CTTNBP2: variants seen among roughly 807,000 people sequenced by gnomAD.
CTTNBP2 encodes cortactin binding protein 2.
In CTTNBP2, 108 loss-of-function variants were observed where a neutral mutation model predicts 156.9. The ratio of observed to expected loss-of-function variants is 0.69; its 90% CI spans 0.59 to 0.81. The LOEUF (loss-of-function observed/expected upper bound fraction) is 0.81. Ranked by LOEUF, CTTNBP2 falls within the 30% of genes least tolerant of loss-of-function variation. The pLI, the probability that CTTNBP2 is intolerant of heterozygous loss-of-function variation, is 0.00. For synonymous variants in CTTNBP2, 767 were observed against 751.8 expected (o/e 1.02, Z -0.33); for missense variants, 1,924 against 2,035.4 (o/e 0.95, Z 1.05).
chr7:117,816,091 A>G (rs905617161), intron 2 of CTTNBP2, among the ~76,000 whole-genome samples: 1 of 152,198 alleles, frequency 6.6e-6, no homozygotes, highest in African/African-American at 2.4e-5. Flanking sequence ...CAGGGGGGCA[A>G]TCTTCCCAGG....
chr7:117,825,381 C>T (rs1801218737), intron 2 of CTTNBP2, among the ~76,000 whole-genome samples: 1 of 152,198 alleles, frequency 6.6e-6, no homozygotes, highest in African/African-American at 2.4e-5. Flanking sequence ...ACGTCTCCTT[C>T]ACAGTCACAG....
chr7:117,788,015 C>G (rs1033846338), intron 4 of CTTNBP2, among the ~76,000 whole-genome samples: 1 of 152,156 alleles, frequency 6.6e-6, no homozygotes, highest in Non-Finnish European at 1.5e-5. Flanking sequence ...CACCGTGTCA[C>G]CCAGGCTGGT....
chr7:117,810,665 C>G (rs569657041), intron 3 of CTTNBP2, 100 bp downstream of exon 3: 5 of 916,874 alleles, frequency 5.5e-6, no homozygotes. Context: ...TATTGCAATC[C>G]TGTCTGAAAA....
At chr7:117,726,569 T>C (rs1284009978) in intron 17 of CTTNBP2, among the ~76,000 whole-genome samples, 1 of 152,214 alleles carries the variant, frequency 6.6e-6, no homozygotes, top group Non-Finnish European at 1.5e-5. Flanking sequence ...TCAGGTTTTG[T>C]TCTAAACTAT....
chr7:117,719,564 T>G lies in CTTNBP2; in HGVS notation c.4584A>C (p.Ala1528=). 4 of 1,613,954 alleles carry G rather than the reference T, an allele frequency of 2.5e-6. No homozygotes were observed. Among genetic ancestry groups the G allele is most frequent in the Non-Finnish European group, 3.4e-6 (4 of 1,179,838 alleles). ...QRLSLGSDDE[A]DLVKELQSMC... ...TGCTCTGAAGTTCCTTGACAAGATC[T>G]GCTTCGTCATCTGAACCCAGAGAGA... Residue 1528 remains alanine, a synonymous_variant, in exon 21 of 23, where the codon GCA becomes GCC. Transcript: ENST00000160373.
intron 8 of CTTNBP2, among the ~76,000 whole-genome samples, chr7:117,774,076 C>T (rs969183335): frequency 6.6e-6 from 1 of 152,074 alleles, no homozygotes. Flanking sequence ...CAGGAAGTTT[C>T]GTTAAGAAAC....
intron 22 of CTTNBP2, chr7:117,716,058 C>T (rs919997493): frequency 6.6e-6 from 1 of 150,444 alleles, no homozygotes; most frequent in Non-Finnish European, 1.5e-5. Flanking sequence ...TAAGTGTCTT[C>T]AGTGGGCAAA....
At chr7:117,836,380 C>G (rs55924734) in intron 2 of CTTNBP2, among the ~76,000 whole-genome samples, 4,157 of 152,150 alleles carry the variant, frequency 0.027, 80 homozygotes, top group Non-Finnish European at 0.043. Context: ...CTGGCTAACA[C>G]GACGAAACCC....
chr7:117,869,446 G>C (rs1334651394), intron 1 of CTTNBP2, among the ~76,000 whole-genome samples: 1 of 152,132 alleles, frequency 6.6e-6, no homozygotes, highest in Non-Finnish European at 1.5e-5. Context: ...GCCTGGCATT[G>C]TGCTAACCAC....
chr7:117,752,379 C>G (rs1250919928), intron 12 of CTTNBP2, among the ~76,000 whole-genome samples: 1 of 152,102 alleles, frequency 6.6e-6, no homozygotes, highest in Non-Finnish European at 1.5e-5. Context: ...AATAACCTAA[C>G]AAAAATTGCA....
chr7:117,774,913 T>G (rs568032992), intron 8 of CTTNBP2, among the ~76,000 whole-genome samples: 9 of 152,332 alleles, frequency 5.9e-5, no homozygotes, highest in Non-Finnish European at 1.0e-4. Context: ...AGCCGTATTT[T>G]TTTCAGAAAT....
intron 2 of CTTNBP2, among the ~76,000 whole-genome samples, chr7:117,820,049 G>C (rs779335584): frequency 6.6e-6 from 1 of 152,180 alleles, no homozygotes; most frequent in Non-Finnish European, 1.5e-5. Context: ...TTTTGACCTT[G>C]TATGCCACTT....
intron 16 of CTTNBP2, among the ~76,000 whole-genome samples, chr7:117,730,931 A>G (rs1233980159): frequency 6.6e-6 from 1 of 152,228 alleles, no homozygotes; most frequent in Non-Finnish European, 1.5e-5. Context: ...GTATTTTTAA[A>G]TACTTGAAAT....
rs749037512 is a variant in CTTNBP2 at position 117,791,252 on chromosome 7, T to C, written c.1944A>G (p.Gln648=). 1.9e-5 allele frequency: 30 copies of C among 1,614,074 alleles called. No homozygotes were observed. The highest frequency in any genetic ancestry group is 4.5e-5 in the East Asian group (2 of 44,868). The change falls in exon 4 of 23, where the codon CAA becomes CAG. Residue 648 remains glutamine (Q), a synonymous_variant. Transcript: ENST00000160373. ...CAAGGGAACTGTCTGAACATGCAGG[T>C]TGGTTCAGTCCGGGGGTTGCAGCAG... ...AWPAATPGLN[Q]PACSDSSLVI... is the part of the protein sequence containing the mutation.
intron 17 of CTTNBP2, among the ~76,000 whole-genome samples, chr7:117,726,580 C>CT (rs1376158980): frequency 2.0e-5 from 3 of 152,212 alleles, no homozygotes; most frequent in Non-Finnish European, 4.4e-5. Flanking sequence ...TCTAAACTAT[C>CT]TTTTCAGTCT....
At chr7:117,811,591 T>A (rs1460260525) in intron 2 of CTTNBP2, among the ~76,000 whole-genome samples, 3 of 152,146 alleles carry the variant, frequency 2.0e-5, no homozygotes, top group Non-Finnish European at 2.9e-5. Flanking sequence ...ATGCCCCACC[T>A]AGTCTTTTCT....
intron 22 of CTTNBP2, among the ~76,000 whole-genome samples, chr7:117,714,936 A>C (rs1267330305): frequency 6.6e-6 from 1 of 152,212 alleles, no homozygotes; most frequent in Admixed American, 6.5e-5. Context: ...CCCCCGAATT[A>C]TCTGTATTAA....
At position 117,791,692 on chromosome 7, in the gene CTTNBP2, G is replaced by A. The variant is rs372792328; in HGVS notation, c.1504C>T (p.Pro502Ser). The A allele has an allele frequency of 9.3e-6, 15 of 1,614,164 alleles. No individual in the cohort carries two copies. The African/African-American group carries it at 1.6e-4, about 17-fold the overall frequency. ...GGCCTTGAGGGAGCACCTGCTTGAGGGCTTGTAAATCTTGACAGTGCTTGG... is the reference window on the plus strand; with the variant it reads ...GGCCTTGAGGGAGCACCTGCTTGAGAGCTTGTAAATCTTGACAGTGCTTGG... ...VTQALSRFTSPQAGAPSRPGV... is the reference protein window; with the variant it reads ...VTQALSRFTSSQAGAPSRPGV... Residue 502 changes from proline to serine, a missense_variant, in exon 4 of 23, where the codon CCT becomes TCT. Physicochemically the swap from Pro to Ser is moderately conservative, Grantham distance 74. Transcript: ENST00000160373.
chr7:117,808,345 G>T (rs967375003), intron 3 of CTTNBP2, among the ~76,000 whole-genome samples: 1 of 151,640 alleles, frequency 6.6e-6, no homozygotes, highest in African/African-American at 2.4e-5. Context: ...AAAATGGGAA[G>T]TGGATTACCG....
Sources: allele counts gnomAD v4.1 joint callset (sites outside exome capture counted in the v4.1 genomes callset), GRCh38; gene constraint gnomAD v4.1.1; transcripts MANE v1.5; gene names NCBI Gene and HGNC (gene_info 2026-07-23, HGNC 2026-07-21).